The following TMEM117 variants were observed in gnomAD, a reference collection of about 807,000 sequenced individuals.
TMEM117 encodes transmembrane protein 117.
TMEM117 carries 27 observed loss-of-function variants against 52.4 expected under a neutral mutation model. That is an observed-to-expected ratio of 0.51 (90% CI 0.38 to 0.71). The LOEUF is 0.71. Ranked by LOEUF, TMEM117 falls within the 30% of genes least tolerant of loss-of-function variation. The probability of loss-of-function intolerance (pLI) is 0.00; values close to 1 mark genes in which losing one functional copy is unlikely to be tolerated. For missense variants in TMEM117, 556 were observed against 630.5 expected, an observed-to-expected ratio of 0.88 and a Z score of 1.26; for synonymous variants, 215 against 206.3, an observed-to-expected ratio of 1.04 and a Z score of -0.36.
At chr12:43,863,338 G>T (rs1943523666) in intron 2 of TMEM117, among the ~76,000 whole-genome samples, 1 of 152,218 alleles carries the variant, frequency 6.6e-6, no homozygotes, top group Non-Finnish European at 1.5e-5. Flanking sequence ...GAGGTAGCTA[G>T]GAGTTTAGTG....
intron 3 of TMEM117, among the ~76,000 whole-genome samples, chr12:44,088,996 T>C (rs1400801399): frequency 2.6e-5 from 4 of 152,178 alleles, no homozygotes; most frequent in Non-Finnish European, 1.5e-5. Context: ...CAAATCAAAA[T>C]GACAGCACCT....
intron 2 of TMEM117, among the ~76,000 whole-genome samples, chr12:43,846,075 G>A (rs1194910426): frequency 6.6e-6 from 1 of 151,880 alleles, no homozygotes; most frequent in Non-Finnish European, 1.5e-5. Context: ...TCAGGGAGTT[G>A]GAACTATAAA....
At chr12:44,082,295 C>A (rs1353080646) in intron 3 of TMEM117, among the ~76,000 whole-genome samples, 1 of 151,808 alleles carries the variant, frequency 6.6e-6, no homozygotes, top group African/African-American at 2.4e-5. Context: ...AACATTTTTT[C>A]TCTACGAATG....
At chr12:44,200,605 G>A (rs1949482688) in intron 4 of TMEM117, among the ~76,000 whole-genome samples, 1 of 152,138 alleles carries the variant, frequency 6.6e-6, no homozygotes. Flanking sequence ...TTTTAAAATA[G>A]AGAAGTTTTG....
rs577834036 is a variant in TMEM117 at position 43,983,980 on chromosome 12, G to T, written c.410+39638G>T. Among the ~76,000 whole-genome samples the T allele has an allele frequency of 3.9e-5, 6 of 152,154 alleles. No individual in the cohort carries two copies. The East Asian group carries it at 1.2e-3, about 29-fold the overall frequency. Reference sequence around the variant, plus strand: ...CATAATAGAATTCTTGCCATGAATTGTTTGTTTTTGTTTTTAAACTGGAAA... The same window carrying T: ...CATAATAGAATTCTTGCCATGAATTTTTTGTTTTTGTTTTTAAACTGGAAA... On this transcript the variant is annotated intron_variant, in intron 3 of 7. Coordinates refer to ENST00000266534, the MANE Select transcript of TMEM117 (RefSeq NM_032256.3).
intron 5 of TMEM117, among the ~76,000 whole-genome samples, chr12:44,287,979 T>C (rs114313481): frequency 0.047 from 7,149 of 152,250 alleles, 346 homozygotes; most frequent in African/African-American, 0.12. Flanking sequence ...ATGTCTGAAA[T>C]AGTAATTTGC....
At chr12:44,024,511 G>T (rs1446677494) in intron 3 of TMEM117, among the ~76,000 whole-genome samples, 5 of 151,696 alleles carry the variant, frequency 3.3e-5, no homozygotes, top group African/African-American at 7.3e-5. Flanking sequence ...AACTTTTGGG[G>T]AAGAAAGCAG....
At chr12:44,013,071 C>T (rs1946320315) in intron 3 of TMEM117, among the ~76,000 whole-genome samples, 1 of 150,982 alleles carries the variant, frequency 6.6e-6, no homozygotes. Context: ...CACCCAAGCT[C>T]ATGTCCAGTA....
intron 6 of TMEM117, among the ~76,000 whole-genome samples, chr12:44,324,910 C>A (rs1951176380): frequency 6.6e-6 from 1 of 152,044 alleles, no homozygotes; most frequent in South Asian, 2.1e-4. Flanking sequence ...TGATTATTTT[C>A]TTGAGATAAA....
At chr12:43,809,581 T>C in the TMEM117 span, among the ~76,000 whole-genome samples, 1 of 152,194 alleles carries the variant, frequency 6.6e-6, no homozygotes, top group Non-Finnish European at 1.5e-5. Flanking sequence ...TAAAAGGTCA[T>C]TTAAAACAGA....
chr12:43,813,231 G>GTTGTTTTTTTTTTT, the TMEM117 span, among the ~76,000 whole-genome samples: 7 of 62,618 alleles, frequency 1.1e-4, no homozygotes, highest in African/African-American at 4.1e-4. Flanking sequence ...GTTTTCTCTT[G>GTTGTTTTTTTTTTT]TTTTTTTTTT....
At chr12:44,237,078 T>G (rs1177362212) in intron 5 of TMEM117, among the ~76,000 whole-genome samples, 1 of 152,084 alleles carries the variant, frequency 6.6e-6, no homozygotes, top group African/African-American at 2.4e-5. Flanking sequence ...CCTCACTACC[T>G]TGTTAGCTCT....
At chr12:44,166,451 A>G (rs181956327) in intron 4 of TMEM117, among the ~76,000 whole-genome samples, 14 of 152,310 alleles carry the variant, frequency 9.2e-5, no homozygotes, top group African/African-American at 3.1e-4. Flanking sequence ...GAAGTTTCAC[A>G]TTGTGTTTGG....
chr12:44,296,087 G>T (rs1668976662), intron 5 of TMEM117, among the ~76,000 whole-genome samples: 1 of 152,170 alleles, frequency 6.6e-6, no homozygotes, highest in Non-Finnish European at 1.5e-5. Flanking sequence ...TTCTTACAAG[G>T]AGCAGAGTGT....
chr12:43,816,016 T>C, the TMEM117 span, among the ~76,000 whole-genome samples: 7 of 152,252 alleles, frequency 4.6e-5, no homozygotes, highest in Non-Finnish European at 8.8e-5. Context: ...TTCGTGTATA[T>C]TGAGTAGGCT....
rs753366852 is a variant in TMEM117, at chr12:44,388,014, T to C, written c.899-12T>C. On this transcript the variant is annotated splice_polypyrimidine_tract_variant and intron_variant, in intron 7 of 7. Coordinates refer to ENST00000266534, the MANE Select transcript of TMEM117 (RefSeq NM_032256.3). ...GCCCTTTGATTAATGCAGTATTTCTTTTTTAATGCAGGCAAATGGTTTAAC... is the reference window on the plus strand; with the variant it reads ...GCCCTTTGATTAATGCAGTATTTCTCTTTTAATGCAGGCAAATGGTTTAAC... 2 of 1,593,326 alleles carry C rather than the reference T, an allele frequency of 1.3e-6. No homozygotes were observed. Among genetic ancestry groups the C allele is most frequent in the Middle Eastern group, 3.4e-4 (2 of 5,880 alleles).
intron 3 of TMEM117, among the ~76,000 whole-genome samples, chr12:43,948,065 A>G (rs1945161821): frequency 6.6e-6 from 1 of 152,040 alleles, no homozygotes; most frequent in African/African-American, 2.4e-5. Flanking sequence ...TGTTCTTCTC[A>G]TTACAGTGGA....
At chr12:44,291,019 T>G (rs1488018879) in intron 5 of TMEM117, among the ~76,000 whole-genome samples, 1 of 152,192 alleles carries the variant, frequency 6.6e-6, no homozygotes, top group Non-Finnish European at 1.5e-5. Context: ...TTTTTCTGAT[T>G]TCTTTGAAAA....
intron 4 of TMEM117, among the ~76,000 whole-genome samples, chr12:44,162,434 T>C (rs1948910596): frequency 6.6e-6 from 1 of 152,174 alleles, no homozygotes; most frequent in Non-Finnish European, 1.5e-5. Context: ...CTCTGATCTT[T>C]TCCAGTAAAA....
Sources: gnomAD v4.1 joint callset for allele counts (sites outside exome capture counted in the v4.1 genomes callset) on GRCh38, gnomAD v4.1.1 for gene constraint, MANE v1.5 for transcripts, NCBI Gene and HGNC (gene_info 2026-07-23, HGNC 2026-07-21) for gene names.